The following GRID2 variants were observed in gnomAD, a reference collection of about 807,000 sequenced individuals.
GRID2 encodes glutamate ionotropic receptor delta type subunit 2, also known as glutamate receptor ionotropic, delta-2.
Under a neutral mutation model 114.8 loss-of-function variants are expected in GRID2, and 33 were observed. That is an observed-to-expected ratio of 0.29 (90% CI 0.22 to 0.38). The LOEUF is 0.38. GRID2 is among the 10% of genes least tolerant of loss of function. The pLI, the probability that GRID2 is intolerant of heterozygous loss-of-function variation, is 1.00. For synonymous variants in GRID2, 505 were observed against 449.9 expected (o/e 1.12, Z -1.55); for missense variants, 1,184 against 1,257.7 (o/e 0.94, Z 0.89).
At chr4:93,377,261 GA>G (rs1172697755) in intron 8 of GRID2, among the ~76,000 whole-genome samples, 1 of 151,960 alleles carries the variant, frequency 6.6e-6, no homozygotes, top group African/African-American at 2.4e-5. Flanking sequence ...TTTTTATACT[GA>G]AAAGTTGAAA....
intron 14 of GRID2, among the ~76,000 whole-genome samples, chr4:93,654,877 G>A (rs1722873489): frequency 6.6e-6 from 1 of 152,112 alleles, no homozygotes; most frequent in Non-Finnish European, 1.5e-5. Context: ...GTCATTGAGA[G>A]AAATTTTAGC....
chr4:93,116,407 ATTG>A (rs1319320970), intron 4 of GRID2, among the ~76,000 whole-genome samples: 1 of 152,196 alleles, frequency 6.6e-6, no homozygotes, highest in African/African-American at 2.4e-5. Context: ...CACTATAAAT[ATTG>A]TTCACTGTAC....
At chr4:92,789,060 G>A (rs1282800222) in intron 2 of GRID2, among the ~76,000 whole-genome samples, 1 of 151,726 alleles carries the variant, frequency 6.6e-6, no homozygotes, top group Non-Finnish European at 1.5e-5. Flanking sequence ...AATTTTGTCA[G>A]ATATACAATT....
chr4:92,527,914 C>T (rs568510879), intron 1 of GRID2, among the ~76,000 whole-genome samples: 29 of 152,124 alleles, frequency 1.9e-4, no homozygotes, highest in African/African-American at 6.7e-4. Flanking sequence ...TAATTCATTA[C>T]AGGGTCCAGG....
chr4:92,771,845 G>C (rs1738559659), intron 2 of GRID2, among the ~76,000 whole-genome samples: 1 of 152,114 alleles, frequency 6.6e-6, no homozygotes, highest in African/African-American at 2.4e-5. Flanking sequence ...AAAGCCATCG[G>C]CTTGAGAACC....
chr4:93,387,021 A>C (rs1764383015), intron 8 of GRID2, among the ~76,000 whole-genome samples: 1 of 152,178 alleles, frequency 6.6e-6, no homozygotes, highest in South Asian at 2.1e-4. Flanking sequence ...TGGGGAGGGA[A>C]GCTTTCCTCT....
intron 12 of GRID2, among the ~76,000 whole-genome samples, chr4:93,506,002 G>T (rs1728588557): frequency 6.6e-6 from 1 of 152,128 alleles, no homozygotes; most frequent in South Asian, 2.1e-4. Context: ...ATAGCCAACA[G>T]CAGTAAGACG....
chr4:93,218,073 T>G (rs1411368611), intron 6 of GRID2, among the ~76,000 whole-genome samples: 1 of 151,932 alleles, frequency 6.6e-6, no homozygotes. Context: ...TAGTCACCTT[T>G]GAATTTTTAA....
At chr4:92,480,024 T>G (rs1204802475) in intron 1 of GRID2, among the ~76,000 whole-genome samples, 1 of 152,120 alleles carries the variant, frequency 6.6e-6, no homozygotes, top group Admixed American at 6.6e-5. Context: ...TAATGAGTAT[T>G]ATTATTATTG....
chr4:93,766,152 A>G (rs1188493774), intron 14 of GRID2, among the ~76,000 whole-genome samples: 1 of 152,204 alleles, frequency 6.6e-6, no homozygotes, highest in African/African-American at 2.4e-5. Context: ...AAGTAATTAT[A>G]AATGATGATA....
In GRID2 at chr4:92,643,541, C is replaced by T. The variant is rs796969461; in HGVS notation, c.244+53255C>T. ...CACTAGCATTTTTATATACTAATAA[C>T]ATTTAGGCTGAGAGTCAAATCAAGA... On this transcript the variant is annotated intron_variant, in intron 2 of 15. Transcript: ENST00000282020. Among the ~76,000 whole-genome samples the T allele has an allele frequency of 3.3e-5, 5 of 151,736 alleles. 1 individual carries two copies. In the South Asian group the frequency reaches 6.2e-4, roughly 19 times the overall value.
intron 8 of GRID2, chr4:93,302,452 C>G (rs535345213): frequency 4.9e-6 from 2 of 406,390 alleles, no homozygotes; most frequent in Non-Finnish European, 9.9e-6. Flanking sequence ...GCCAGTTATG[C>G]CCCATCACTA....
intron 2 of GRID2, among the ~76,000 whole-genome samples, chr4:92,976,220 G>T (rs1198038126): frequency 6.6e-6 from 1 of 152,030 alleles, no homozygotes; most frequent in Non-Finnish European, 1.5e-5. Flanking sequence ...AGCTAATCTT[G>T]TTATAGTAAT....
intron 13 of GRID2, among the ~76,000 whole-genome samples, chr4:93,517,418 T>C (rs1206739940): frequency 6.6e-6 from 1 of 152,094 alleles, no homozygotes; most frequent in African/African-American, 2.4e-5. Context: ...TATTATACCA[T>C]GTTGATTCAG....
chr4:93,295,281 G>A (rs1156286557), intron 8 of GRID2, among the ~76,000 whole-genome samples: 1 of 152,066 alleles, frequency 6.6e-6, no homozygotes, highest in African/African-American at 2.4e-5. Context: ...GTGGAGTCTT[G>A]GATTTTCCAA....
chr4:92,600,370 T>G (rs1729168229), intron 2 of GRID2, among the ~76,000 whole-genome samples: 1 of 151,924 alleles, frequency 6.6e-6, no homozygotes, highest in Non-Finnish European at 1.5e-5. Context: ...GGTCACATTC[T>G]TACAGGTCAA....
At chr4:93,238,597 G>A in intron 8 of GRID2, 107 bp downstream of exon 8, 1 of 817,016 alleles carries the variant, frequency 1.2e-6, no homozygotes. Flanking sequence ...ATATTGTAGT[G>A]TGAAAGAGAA....
At chr4:92,952,702 A>C (rs952686516) in intron 2 of GRID2, among the ~76,000 whole-genome samples, 1 of 152,212 alleles carries the variant, frequency 6.6e-6, no homozygotes, top group Non-Finnish European at 1.5e-5. Context: ...AAGTAGTAGT[A>C]TCTTTCTCAC....
intron 2 of GRID2, among the ~76,000 whole-genome samples, chr4:92,823,734 T>C (rs1178607806): frequency 6.6e-6 from 1 of 152,180 alleles, no homozygotes; most frequent in Non-Finnish European, 1.5e-5. Context: ...GGTGCTAATC[T>C]GATAAACTCT....
Sources: allele counts gnomAD v4.1 joint callset (sites outside exome capture counted in the v4.1 genomes callset), GRCh38; gene constraint gnomAD v4.1.1; transcripts MANE v1.5; gene names NCBI Gene and HGNC (gene_info 2026-07-23, HGNC 2026-07-21).